PSMG2: variants seen among roughly 807,000 people sequenced by gnomAD.
PSMG2 encodes the protein CD40 ligand-activated specific transcript 3.
Under a neutral mutation model 31.5 loss-of-function variants are expected in PSMG2, and 21 were observed. That is an observed-to-expected ratio of 0.67 (90% confidence interval 0.47 to 0.96). PSMG2 has a LOEUF of 0.96. Ranked by LOEUF, PSMG2 falls within the 40% of genes least tolerant of loss-of-function variation. The pLI is 0.00. For missense variants in PSMG2, 318 were observed against 321.2 expected (o/e 0.99, Z 0.08); for synonymous variants, 120 against 110.4 (o/e 1.09, Z -0.54).
chr18:12,718,433 G>A (rs754700053), intron 3 of PSMG2, 84 bp from the exon 4 acceptor site: 22 of 658,318 alleles, frequency 3.3e-5, no homozygotes, highest in Admixed American at 8.5e-5. Flanking sequence ...ATCACATAAA[G>A]TTGATGAAAT....
chr18:12,687,452 CA>C (rs2039578957), intron 1 of PSMG2, among the ~76,000 whole-genome samples: 2 of 149,884 alleles, frequency 1.3e-5, no homozygotes, highest in Admixed American at 1.3e-4. Context: ...TAGAAGGCAT[CA>C]ATTTTTTTTT....
In PSMG2 at chr18:12,724,539, G is replaced by A. The variant is rs1393330870; in HGVS notation, c.622G>A (p.Val208Ile). Residue 208 changes from valine (V) to isoleucine (I), a missense_variant, in exon 6 of 7, where the codon GTT becomes ATT. By Grantham distance (29) the Val-to-Ile change is conservative. Transcript: ENST00000317615. ...CCAAATGGCAGTTCTGCTGAAATTT[G>A]TTTCAGAAGGGGACAACATCCCAGA... ...EIQMAVLLKFVSEGDNIPDAL... is the reference protein window; with the variant it reads ...EIQMAVLLKFISEGDNIPDAL... 1 of 1,607,646 alleles carries A rather than the reference G, an allele frequency of 6.2e-7. No homozygotes were observed. Among genetic ancestry groups the A allele is most frequent in the East Asian group, 2.2e-5 (1 of 44,512 alleles).
At chr18:12,694,474 C>T (rs1045011075) in intron 1 of PSMG2, among the ~76,000 whole-genome samples, 2 of 152,076 alleles carry the variant, frequency 1.3e-5, no homozygotes, top group African/African-American at 2.4e-5. Context: ...AAAAATCTGC[C>T]GATCTTTTAA....
intron 3 of PSMG2, among the ~76,000 whole-genome samples, chr18:12,717,943 CATCACAATAGATTTTTTTTGAAATCT>C (rs1300990607): frequency 1.3e-5 from 2 of 151,964 alleles, no homozygotes; most frequent in Non-Finnish European, 2.9e-5. Context: ...GTCCTTTGTC[CATCACAATAGATTTTTTTTGAAATCT>C]AGATTCCTCA....
chr18:12,682,268 C>T (rs1345354516), intron 1 of PSMG2, among the ~76,000 whole-genome samples: 1 of 151,760 alleles, frequency 6.6e-6, no homozygotes, highest in African/African-American at 2.4e-5. Context: ...CAGCTCACTG[C>T]AGCCTTGATG....
At chr18:12,722,890 G>GGA (rs1436442893) in intron 5 of PSMG2, among the ~76,000 whole-genome samples, 1 of 152,166 alleles carries the variant, frequency 6.6e-6, no homozygotes, top group Non-Finnish European at 1.5e-5. Flanking sequence ...GCACAGCCTC[G>GGA]GAGCCAGCCT....
rs144495900 is a variant in PSMG2, at chr18:12,709,281, G to A, written c.229+2560G>A. Among the ~76,000 whole-genome samples the A allele has an allele frequency of 9.3e-3, 1,407 of 151,188 alleles. 30 individuals carry two copies. Among genetic ancestry groups the A allele is most frequent in the African/African-American group, 0.033 (1,355 of 41,144 alleles). On this transcript the variant is annotated intron_variant, in intron 2 of 6. Transcript: ENST00000317615. ...AGGATGGTCTCAATCTCCTGACCTC[G>A]TGATCTGCCTGCCTCAGCCTCCAAA...
upstream of PSMG2, among the ~76,000 whole-genome samples, chr18:12,698,233 T>C (rs184402331): frequency 2.6e-5 from 4 of 152,012 alleles, no homozygotes; most frequent in East Asian, 1.9e-4. Flanking sequence ...TATTTATTCA[T>C]TTATTTATTT....
intron 1 of PSMG2, among the ~76,000 whole-genome samples, chr18:12,670,229 C>G (rs2038909000): frequency 6.6e-6 from 1 of 151,686 alleles, no homozygotes; most frequent in African/African-American, 2.4e-5. Context: ...ACTTGGGAGG[C>G]TGAGGCAGGA....
At chr18:12,659,563 G>A (rs1234218673) in intron 1 of PSMG2, among the ~76,000 whole-genome samples, 4 of 152,090 alleles carry the variant, frequency 2.6e-5, no homozygotes, top group Admixed American at 2.0e-4. Context: ...CCAGCTACCC[G>A]GGAGGCTGAG....
Position 12,716,554 on chromosome 18 carries a change from C to T in PSMG2, c.289-1963C>T, listed in dbSNP as rs537954265. ...GACTACAGGCGCCCACCATCACGCC[C>T]GGCTAATTTTTTTGTATTTTTAGTA... On this transcript the variant is annotated intron_variant, in intron 3 of 6. Coordinates refer to ENST00000317615, the MANE Select transcript of PSMG2 (RefSeq NM_020232.5). Among the ~76,000 whole-genome samples the T allele has an allele frequency of 1.4e-4, 22 of 151,906 alleles. 1 individual carries two copies. The highest frequency in any genetic ancestry group is 8.3e-4 in the South Asian group (4 of 4,816).
upstream of PSMG2, chr18:12,702,756 C>T (rs574117627): frequency 5.0e-6 from 3 of 594,500 alleles, no homozygotes; most frequent in Non-Finnish European, 8.6e-6. Flanking sequence ...CAACTGTTTT[C>T]AAACAGTGGC....
upstream of PSMG2, among the ~76,000 whole-genome samples, chr18:12,699,667 C>CT (rs2040083715): frequency 6.6e-6 from 1 of 152,110 alleles, no homozygotes; most frequent in African/African-American, 2.4e-5. Flanking sequence ...ATTAACTCTT[C>CT]TGATATACTT....
chr18:12,719,793 G>A (rs916126470), intron 4 of PSMG2, among the ~76,000 whole-genome samples: 3 of 147,222 alleles, frequency 2.0e-5, no homozygotes, highest in Non-Finnish European at 3.0e-5. Context: ...GCGCAATCTC[G>A]AGTCACTGCA....
At chr18:12,713,377 T>C (rs1168058394) in intron 3 of PSMG2, among the ~76,000 whole-genome samples, 1 of 152,132 alleles carries the variant, frequency 6.6e-6, no homozygotes, top group African/African-American at 2.4e-5. Flanking sequence ...ATATTGCAAA[T>C]TGACTCCCAA....
intron 1 of PSMG2, chr18:12,684,527 CTG>C (rs544246154): frequency 8.0e-5 from 12 of 150,822 alleles, no homozygotes; most frequent in African/African-American, 2.9e-4. Flanking sequence ...ATTGCCCACA[CTG>C]GAGTGCGATG....
intron 1 of PSMG2, chr18:12,691,611 A>G (rs12960997): frequency 0.41 from 258,995 of 630,960 alleles, 55,361 homozygotes; most frequent in Non-Finnish European, 0.45. Context: ...ATCATCTTCT[A>G]TAAGAGCCTC....
At chr18:12,711,579 G>C (rs1212930188) in intron 2 of PSMG2, among the ~76,000 whole-genome samples, 1 of 151,904 alleles carries the variant, frequency 6.6e-6, no homozygotes, top group East Asian at 1.9e-4. Context: ...ACCACATCAC[G>C]CCAGCCATAG....
chr18:12,667,050 G>A (rs1333376397), intron 1 of PSMG2, among the ~76,000 whole-genome samples: 1 of 151,788 alleles, frequency 6.6e-6, no homozygotes, highest in Non-Finnish European at 1.5e-5. Context: ...AAAATAAGAT[G>A]TATATGGAAA....
Sources: gnomAD v4.1 joint callset for allele counts (sites outside exome capture counted in the v4.1 genomes callset) on GRCh38, gnomAD v4.1.1 for gene constraint, MANE v1.5 for transcripts, NCBI Gene and HGNC (gene_info 2026-07-23, HGNC 2026-07-21) for gene names.